Variants in ARHGAP6 observed in about 807,000 individuals in gnomAD.
ARHGAP6 encodes rho GTPase-activating protein 6.
ARHGAP6 carries 16 observed loss-of-function variants against 55.7 expected under a neutral mutation model. The observed-to-expected ratio is 0.29, with a 90% CI of 0.19 to 0.44. ARHGAP6 has a LOEUF of 0.44. ARHGAP6 is among the 20% of genes least tolerant of loss of function. The probability of loss-of-function intolerance (pLI) is 1.00; values close to 1 mark genes in which losing one functional copy is unlikely to be tolerated. For synonymous variants in ARHGAP6, 382 were observed against 360.9 expected, an observed-to-expected ratio of 1.06 and a Z score of -0.66; for missense variants, 698 against 808.9, an observed-to-expected ratio of 0.86 and a Z score of 1.66.
At chrX:11,471,662 T>C (rs752379665) in intron 1 of ARHGAP6, among the ~76,000 whole-genome samples, 1 of 112,322 alleles carries the variant, frequency 8.9e-6, no homozygotes, top group Non-Finnish European at 1.9e-5. Flanking sequence ...AATATCAGAC[T>C]TGTCTAAAGT....
At chrX:11,405,221 G>A (rs2049596753) in intron 1 of ARHGAP6, among the ~76,000 whole-genome samples, 2 of 111,549 alleles carry the variant, frequency 1.8e-5, no homozygotes, top group Admixed American at 1.9e-4. Flanking sequence ...CCACCACATG[G>A]CCATGGGTGC....
At chrX:11,639,701 AATAG>A (rs1389239406) in intron 1 of ARHGAP6, among the ~76,000 whole-genome samples, 2 of 110,909 alleles carry the variant, frequency 1.8e-5, no homozygotes, top group East Asian at 5.6e-4. Flanking sequence ...GAGAAAAAGA[AATAG>A]ATAAATTAAG....
intron 2 of ARHGAP6, among the ~76,000 whole-genome samples, chrX:11,242,031 C>T (rs866041501): frequency 7.2e-5 from 8 of 111,525 alleles, no homozygotes; most frequent in African/African-American, 3.3e-5. Context: ...AGAAAGTCGA[C>T]TCTTGGAGGT....
chrX:11,211,022 T>C (rs549173301), intron 2 of ARHGAP6, among the ~76,000 whole-genome samples: 2 of 111,321 alleles, frequency 1.8e-5, no homozygotes, highest in South Asian at 7.6e-4. Context: ...AAAAGCCGAG[T>C]TTGAAAATGT....
chrX:11,464,693 A>C (rs2050276662), intron 1 of ARHGAP6, among the ~76,000 whole-genome samples: 1 of 112,516 alleles, frequency 8.9e-6, no homozygotes, highest in Non-Finnish European at 1.9e-5. Context: ...CAAGTTCCTT[A>C]GACCTACCTT....
intron 1 of ARHGAP6, among the ~76,000 whole-genome samples, chrX:11,355,239 T>C (rs752839588): frequency 8.9e-6 from 1 of 111,901 alleles, no homozygotes; most frequent in East Asian, 2.8e-4. Context: ...CGCAATGGAT[T>C]CCACCCCAGC....
At chrX:11,257,643 G>T (rs1347624937) in intron 1 of ARHGAP6, among the ~76,000 whole-genome samples, 1 of 112,080 alleles carries the variant, frequency 8.9e-6, no homozygotes, top group East Asian at 2.8e-4. Context: ...AATAAGCACA[G>T]ATGAGATGCT....
intron 1 of ARHGAP6, among the ~76,000 whole-genome samples, chrX:11,645,294 G>T (rs1170691831): frequency 1.8e-5 from 2 of 110,804 alleles, no homozygotes; most frequent in African/African-American, 6.6e-5. Context: ...AAAATCCATA[G>T]AATTATACTC....
intron 1 of ARHGAP6, among the ~76,000 whole-genome samples, chrX:11,604,270 C>A (rs1041079626): frequency 1.8e-5 from 2 of 111,682 alleles, no homozygotes; most frequent in African/African-American, 6.5e-5. Context: ...AAAACACAAC[C>A]AAGCTATCAC....
At chrX:11,178,614 G>T (rs2046268946) in intron 7 of ARHGAP6, among the ~76,000 whole-genome samples, 1 of 111,689 alleles carries the variant, frequency 9.0e-6, no homozygotes, top group Admixed American at 9.5e-5. Context: ...GCTGAAAATT[G>T]GTGAACATTC....
rs2051343064 is a variant in ARHGAP6, at chrX:11,558,341, A to G, written c.588+105900T>C. Among the ~76,000 whole-genome samples the G allele has an allele frequency of 2.7e-5, 3 of 111,770 alleles. No homozygotes were observed. In the Admixed American group the frequency reaches 2.9e-4, roughly 11 times the overall value. On this transcript the variant is annotated intron_variant, in intron 1 of 12. Transcript: ENST00000337414. ...GAGGATTGTCAACAGGCATTTGAAC[A>G]TCGCCAAACATCATGTTATTTTCCA...
intron 2 of ARHGAP6, among the ~76,000 whole-genome samples, chrX:11,201,234 T>C (rs749940196): frequency 8.9e-6 from 1 of 112,096 alleles, no homozygotes; most frequent in Non-Finnish European, 1.9e-5. Context: ...AGTTCTGAAG[T>C]GTTTAACTTT....
intron 1 of ARHGAP6, among the ~76,000 whole-genome samples, chrX:11,470,283 A>G (rs1205154772): frequency 8.9e-6 from 1 of 112,252 alleles, no homozygotes; most frequent in Admixed American, 9.5e-5. Flanking sequence ...ATTTCATCAG[A>G]AATGACTGGC....
intron 8 of ARHGAP6, among the ~76,000 whole-genome samples, chrX:11,171,023 G>A (rs945600897): frequency 1.3e-4 from 14 of 111,353 alleles, no homozygotes; most frequent in African/African-American, 4.3e-4. Flanking sequence ...TGGCAGGAAT[G>A]AGCCACAGTT....
At chrX:11,534,153 G>A (rs974561547) in intron 1 of ARHGAP6, among the ~76,000 whole-genome samples, 11 of 111,663 alleles carry the variant, frequency 9.9e-5, no homozygotes, top group South Asian at 3.8e-4. Flanking sequence ...CCATAAGCTG[G>A]AATCAGCTGA....
chrX:11,361,860 T>G (rs775072892), intron 1 of ARHGAP6, among the ~76,000 whole-genome samples: 1 of 112,145 alleles, frequency 8.9e-6, no homozygotes, highest in African/African-American at 3.2e-5. Flanking sequence ...GAACAGACAC[T>G]TCTCAAAAGA....
At chrX:11,143,673 G>C in intron 11 of ARHGAP6, 1 of 1,028,977 alleles carries the variant, frequency 9.7e-7, no homozygotes, top group Non-Finnish European at 1.2e-6. Context: ...AAAGTTCCTA[G>C]GATGCTGGAG....
At chrX:11,198,904 A>G (rs1341515382) in intron 2 of ARHGAP6, among the ~76,000 whole-genome samples, 3 of 112,281 alleles carry the variant, frequency 2.7e-5, no homozygotes, top group Non-Finnish European at 5.6e-5. Context: ...TCCTAGCCCC[A>G]GATAATTACT....
At chrX:11,521,923 C>G (rs373788341) in intron 1 of ARHGAP6, among the ~76,000 whole-genome samples, 157 of 111,468 alleles carry the variant, frequency 1.4e-3, no homozygotes, top group African/African-American at 4.1e-3. Context: ...TGAAGCAATT[C>G]TGAATGGGAG....
Sources: allele counts gnomAD v4.1 joint callset (sites outside exome capture counted in the v4.1 genomes callset), GRCh38; gene constraint gnomAD v4.1.1; transcripts MANE v1.5; gene names NCBI Gene and HGNC (gene_info 2026-07-23, HGNC 2026-07-21).